IPO11: variants seen among roughly 807,000 people sequenced by gnomAD.
The protein encoded by IPO11 is importin-11.
In IPO11, 66 loss-of-function variants were observed where a neutral mutation model predicts 143.2. The ratio of observed to expected loss-of-function variants is 0.46; its 90% CI spans 0.38 to 0.57. IPO11 has a LOEUF of 0.57. Among genes scored for constraint, IPO11 ranks in the 20% least tolerant of loss-of-function variants. The pLI is 0.00. For missense variants in IPO11, 1,026 were observed against 1,141.0 expected (o/e 0.90, Z 1.45); for synonymous variants, 385 against 377.8 (o/e 1.02, Z -0.22).
chr5:62,596,262 C>G lies in IPO11; in HGVS notation c.2678+4590C>G, dbSNP rs1215673713. Among the ~76,000 whole-genome samples the G allele has an allele frequency of 1.3e-4, 3 of 22,688 alleles. No homozygotes were observed. In the East Asian group the frequency reaches 2.2e-3, roughly 17 times the overall value. 14.9% of individuals were successfully genotyped at this position (22,688 alleles called of 152,430 possible). On this transcript the variant is annotated intron_variant, in intron 28 of 29. Coordinates refer to ENST00000325324, the MANE Select transcript of IPO11 (RefSeq NM_016338.5). Reference sequence around the variant, plus strand: ...CCAGCTTGGGTGACAGACCAAGGCCCTGTCTCAAAAAAAAAAAAAAAGAAT... The same window carrying G: ...CCAGCTTGGGTGACAGACCAAGGCCGTGTCTCAAAAAAAAAAAAAAAGAAT...
intron 27 of IPO11, among the ~76,000 whole-genome samples, chr5:62,586,768 A>AAATAT (rs1554057003): frequency 7.6e-4 from 22 of 28,912 alleles, no homozygotes; most frequent in African/African-American, 2.7e-3. Flanking sequence ...AAAAAAAAAA[A>AAATAT]ATATATATAT....
chr5:62,594,428 C>T lies in IPO11; in HGVS notation c.2678+2756C>T, dbSNP rs115802311. Among the ~76,000 whole-genome samples the T allele has an allele frequency of 2.0e-3, 305 of 152,236 alleles. 1 individual carries two copies. Among genetic ancestry groups the T allele is most frequent in the African/African-American group, 6.5e-3 (272 of 41,558 alleles). ...TTACTTAACTGGTTGGCTCTGAAGA[C>T]GGAAGAAGTACAGTGTCCCAGCTTG... On this transcript the variant is annotated intron_variant, in intron 28 of 29. Transcript: ENST00000325324.
rs1018593101 is a variant in IPO11, at chr5:62,609,142, C to G, written c.2763+7294C>G. On this transcript the variant is annotated intron_variant, in intron 29 of 29. Coordinates refer to ENST00000325324, the MANE Select transcript of IPO11 (RefSeq NM_016338.5). The stretch of plus-strand genomic sequence containing the variant: ...GCACCAACTCCACGTCCTGCCAGAT[C>G]CTCTCTAGCTTCTCTTACTTTAGAG... Among the ~76,000 whole-genome samples the G allele has an allele frequency of 2.1e-4, 32 of 152,216 alleles. 1 individual carries two copies. Among genetic ancestry groups the G allele is most frequent in the Admixed American group, 2.0e-3 (31 of 15,278 alleles).
intron 9 of IPO11, among the ~76,000 whole-genome samples, chr5:62,481,716 T>G (rs569426539): frequency 1.3e-5 from 2 of 152,200 alleles, no homozygotes; most frequent in African/African-American, 4.8e-5. Flanking sequence ...GATATTGGTC[T>G]AAATCCCTGA....
At chr5:62,596,880 C>A (rs1018471974) in intron 28 of IPO11, among the ~76,000 whole-genome samples, 7 of 152,170 alleles carry the variant, frequency 4.6e-5, no homozygotes, top group African/African-American at 1.4e-4. Flanking sequence ...TCCCTGGATT[C>A]TTCATCATTC....
chr5:62,416,696 T>C (rs938944321), intron 1 of IPO11, among the ~76,000 whole-genome samples: 1 of 151,372 alleles, frequency 6.6e-6, no homozygotes, highest in Admixed American at 6.6e-5. Flanking sequence ...GATTTAAGCA[T>C]ACCCAAGTCT....
intron 27 of IPO11, among the ~76,000 whole-genome samples, chr5:62,590,449 C>T (rs969939078): frequency 3.3e-5 from 5 of 152,184 alleles, no homozygotes; most frequent in African/African-American, 1.2e-4. Context: ...CTAACTTGAC[C>T]TACTTCCTGT....
intron 27 of IPO11, among the ~76,000 whole-genome samples, chr5:62,564,456 C>G (rs1231402084): frequency 6.6e-6 from 1 of 152,182 alleles, no homozygotes; most frequent in Admixed American, 6.5e-5. Context: ...GATTTTACAG[C>G]ATACCATTTC....
chr5:62,521,658 T>G (rs1293733548), intron 20 of IPO11, among the ~76,000 whole-genome samples: 1 of 152,094 alleles, frequency 6.6e-6, no homozygotes, highest in Non-Finnish European at 1.5e-5. Context: ...TTTCTTTTCT[T>G]ACTTTCTGAA....
Position 62,536,762 on chromosome 5 carries a change from C to T in IPO11, c.2150C>T (p.Ser717Leu). ...ATCATCAATGGTTATATCTTTTTAT[C>T]ATCAACAGAATTTTTACAGGTATGT... is the stretch of plus-strand genomic sequence containing the variant. ...FKIINGYIFL[S>L]STEFLQTYAV... Residue 717 changes from serine to leucine, a missense_variant, in exon 23 of 30, where the codon TCA becomes TTA. By Grantham distance (145) the Ser-to-Leu change is moderately radical. Transcript: ENST00000325324. 3 of 1,566,156 alleles carry T rather than the reference C, an allele frequency of 1.9e-6. No individual in the cohort carries two copies. Among genetic ancestry groups the T allele is most frequent in the Non-Finnish European group, 2.6e-6 (3 of 1,162,604 alleles).
chr5:62,469,943 T>C (rs1745710630), intron 6 of IPO11, among the ~76,000 whole-genome samples: 1 of 152,206 alleles, frequency 6.6e-6, no homozygotes, highest in Non-Finnish European at 1.5e-5. Context: ...AGAAATGACT[T>C]TCTCAATTTC....
At chr5:62,418,887 G>A (rs1288836451) in intron 1 of IPO11, 11 of 1,108,682 alleles carry the variant, frequency 9.9e-6, no homozygotes, top group African/African-American at 3.1e-5. Flanking sequence ...TGTGATTATA[G>A]CACCAGGTGT....
At chr5:62,622,479 T>G (rs1746412721) in intron 29 of IPO11, among the ~76,000 whole-genome samples, 1 of 152,216 alleles carries the variant, frequency 6.6e-6, no homozygotes, top group Non-Finnish European at 1.5e-5. Context: ...TTGCTTGTGA[T>G]TGGAGTTTAG....
At chr5:62,607,545 A>G (rs191028438) in intron 29 of IPO11, among the ~76,000 whole-genome samples, 1 of 152,234 alleles carries the variant, frequency 6.6e-6, no homozygotes, top group Non-Finnish European at 1.5e-5. Flanking sequence ...GTAATTTTTA[A>G]TGTATGCATA....
chr5:62,433,140 C>T (rs1219196226), intron 1 of IPO11, among the ~76,000 whole-genome samples: 5 of 148,524 alleles, frequency 3.4e-5, no homozygotes, highest in Non-Finnish European at 7.4e-5. Context: ...ATTTTGGCAC[C>T]TTTTTGTTTT....
chr5:62,418,690 T>G (rs1340542771), intron 1 of IPO11, among the ~76,000 whole-genome samples: 2 of 152,200 alleles, frequency 1.3e-5, no homozygotes, highest in Non-Finnish European at 2.9e-5. Flanking sequence ...AAGACATGCT[T>G]TTATCTAGAG....
intron 29 of IPO11, among the ~76,000 whole-genome samples, chr5:62,624,363 T>TA (rs1185585897): frequency 6.6e-6 from 1 of 152,124 alleles, no homozygotes; most frequent in African/African-American, 2.4e-5. Context: ...CTATATAGGG[T>TA]AACTTCTGGA....
intron 1 of IPO11, among the ~76,000 whole-genome samples, chr5:62,431,380 A>AC (rs1743980999): frequency 6.6e-6 from 1 of 152,094 alleles, no homozygotes. Context: ...TAGAAATTCC[A>AC]GGGCAATTTT....
chr5:62,587,504 A>G (rs1481461130), intron 27 of IPO11, among the ~76,000 whole-genome samples: 1 of 152,038 alleles, frequency 6.6e-6, no homozygotes, highest in Non-Finnish European at 1.5e-5. Context: ...TAACTAGGTA[A>G]TGGGTTTATT....
Sources: gnomAD v4.1 joint callset for allele counts (sites outside exome capture counted in the v4.1 genomes callset) on GRCh38, gnomAD v4.1.1 for gene constraint, MANE v1.5 for transcripts, NCBI Gene and HGNC (gene_info 2026-07-23, HGNC 2026-07-21) for gene names.